ELMO1: variants seen among roughly 807,000 people sequenced by gnomAD.
ELMO1 encodes engulfment and cell motility 1.
Under a neutral mutation model 98.9 loss-of-function variants are expected in ELMO1, and 26 were observed. The observed-to-expected ratio is 0.26, with a 90% CI of 0.19 to 0.36. The LOEUF (loss-of-function observed/expected upper bound fraction) is 0.36, where lower values mean the gene tolerates loss of function less well. Among genes scored for constraint, ELMO1 ranks in the 10% least tolerant of loss-of-function variants. ELMO1 has a pLI of 1.00. For missense variants in ELMO1, 627 were observed against 935.2 expected, an observed-to-expected ratio of 0.67 and a Z score of 4.30; for synonymous variants, 346 against 346.0, an observed-to-expected ratio of 1.00 and a Z score of 0.00.
At chr7:36,952,950 T>C (rs1788099171) in intron 16 of ELMO1, among the ~76,000 whole-genome samples, 1 of 147,468 alleles carries the variant, frequency 6.8e-6, no homozygotes, top group Admixed American at 6.8e-5. Flanking sequence ...TGCCAAATAA[T>C]GGAAGTCACT....
At chr7:37,256,422 T>C (rs1795644276) in intron 6 of ELMO1, among the ~76,000 whole-genome samples, 1 of 151,646 alleles carries the variant, frequency 6.6e-6, no homozygotes, top group South Asian at 2.1e-4. Context: ...AAAGAATATC[T>C]TGTCTTTGAA....
chr7:37,168,851 A>G (rs1029598540), intron 13 of ELMO1, among the ~76,000 whole-genome samples: 24 of 152,156 alleles, frequency 1.6e-4, no homozygotes, highest in African/African-American at 5.5e-4. Flanking sequence ...TGCTGGGAGA[A>G]CCACTGCTCT....
intron 16 of ELMO1, among the ~76,000 whole-genome samples, chr7:37,009,168 A>T (rs1457613797): frequency 2.6e-5 from 4 of 152,200 alleles, no homozygotes; most frequent in African/African-American, 9.6e-5. Flanking sequence ...CTCAAAAATG[A>T]GGATTTCAAT....
At chr7:37,240,590 T>G (rs1794716886) in intron 7 of ELMO1, among the ~76,000 whole-genome samples, 1 of 152,160 alleles carries the variant, frequency 6.6e-6, no homozygotes, top group African/African-American at 2.4e-5. Context: ...AAACCATCCT[T>G]CCTTTTCAAC....
chr7:37,201,877 A>G (rs1328952794), intron 13 of ELMO1, among the ~76,000 whole-genome samples: 1 of 152,214 alleles, frequency 6.6e-6, no homozygotes, highest in East Asian at 1.9e-4. Flanking sequence ...ATAGGAAAAG[A>G]GAGAGTCCGG....
intron 1 of ELMO1, among the ~76,000 whole-genome samples, chr7:37,391,956 C>G (rs10230459): frequency 0.13 from 19,198 of 152,200 alleles, 1,443 homozygotes; most frequent in African/African-American, 0.19. Context: ...GAACTGTAAT[C>G]TCCACACACA....
chr7:37,192,510 A>AAC (rs1169113820), intron 13 of ELMO1, among the ~76,000 whole-genome samples: 4 of 149,908 alleles, frequency 2.7e-5, no homozygotes. Flanking sequence ...AAAAAAAAAA[A>AAC]AAAACTGGGC....
chr7:37,321,510 G>A (rs756794499), intron 2 of ELMO1, among the ~76,000 whole-genome samples: 7 of 151,858 alleles, frequency 4.6e-5, no homozygotes, highest in Admixed American at 1.3e-4. Context: ...GAGGTCAGGA[G>A]ATCGAGAGCA....
At chr7:36,951,209 C>T (rs1384950595) in intron 16 of ELMO1, among the ~76,000 whole-genome samples, 1 of 152,156 alleles carries the variant, frequency 6.6e-6, no homozygotes, top group Non-Finnish European at 1.5e-5. Context: ...CAATAGAGAT[C>T]ATCTTAAAAG....
chr7:36,871,702 C>G (rs1803519662), intron 19 of ELMO1, among the ~76,000 whole-genome samples: 1 of 152,176 alleles, frequency 6.6e-6, no homozygotes, highest in South Asian at 2.1e-4. Context: ...GATAAAATTA[C>G]AGAATACCTA....
At chr7:37,256,254 G>A (rs1411912486) in intron 6 of ELMO1, among the ~76,000 whole-genome samples, 1 of 151,826 alleles carries the variant, frequency 6.6e-6, no homozygotes, top group Non-Finnish European at 1.5e-5. Context: ...CAGAGGTTTC[G>A]TCATCCTTGA....
At chr7:36,957,521 G>A (rs542634511) in intron 16 of ELMO1, among the ~76,000 whole-genome samples, 14 of 152,230 alleles carry the variant, frequency 9.2e-5, no homozygotes, top group Admixed American at 6.5e-5. Flanking sequence ...CCTCACAGAT[G>A]ATCTACCCAA....
chr7:37,204,795 G>A (rs1361261302), intron 13 of ELMO1, among the ~76,000 whole-genome samples: 1 of 152,216 alleles, frequency 6.6e-6, no homozygotes, highest in Non-Finnish European at 1.5e-5. Flanking sequence ...CCTTTAGCTA[G>A]AAAGAAAAGT....
At chr7:37,233,045 C>T in intron 8 of ELMO1, 50 bp downstream of exon 8, 1 of 1,464,588 alleles carries the variant, frequency 6.8e-7, no homozygotes, top group Non-Finnish European at 9.4e-7. Context: ...AGAAAAATAG[C>T]TATGACAGAA....
chr7:37,399,472 C>T (rs1457793423), intron 1 of ELMO1, among the ~76,000 whole-genome samples: 1 of 152,178 alleles, frequency 6.6e-6, no homozygotes, highest in Non-Finnish European at 1.5e-5. Context: ...CATGTTATTC[C>T]TCTACCTCAG....
intron 4 of ELMO1, among the ~76,000 whole-genome samples, chr7:37,280,814 T>C (rs867900067): frequency 6.6e-6 from 1 of 151,984 alleles, no homozygotes; most frequent in Non-Finnish European, 1.5e-5. Flanking sequence ...GAACCAGAAG[T>C]AGAACTACCA....
At chr7:37,328,267 C>T (rs769337283) in intron 2 of ELMO1, among the ~76,000 whole-genome samples, 12 of 150,640 alleles carry the variant, frequency 8.0e-5, no homozygotes, top group Non-Finnish European at 1.5e-4. Flanking sequence ...CCTGTGGTCC[C>T]AGCTACTTGG....
chr7:36,856,506 A>G (rs1039140287), intron 21 of ELMO1, among the ~76,000 whole-genome samples: 2 of 152,156 alleles, frequency 1.3e-5, no homozygotes, highest in African/African-American at 4.8e-5. Flanking sequence ...TCTGTTTTGG[A>G]AAGCCCTTCA....
In ELMO1 at chr7:36,935,263, C is replaced by A. The variant is rs1786420538; in HGVS notation, c.1438-40246G>T. 2.0e-5 allele frequency among the ~76,000 whole-genome samples: 3 copies of A among 152,116 alleles called. No homozygotes were observed. The South Asian group carries it at 6.2e-4, about 32-fold the overall frequency. ...CTCATCTGCTGCTGTGTGAGATGTG[C>A]CTTTCACCTTCTGCCATGATGGTGA... On this transcript the variant is annotated intron_variant, in intron 16 of 21. Transcript: ENST00000310758.
Sources: gnomAD v4.1 joint callset for allele counts (sites outside exome capture counted in the v4.1 genomes callset) on GRCh38, gnomAD v4.1.1 for gene constraint, MANE v1.5 for transcripts, NCBI Gene and HGNC (gene_info 2026-07-23, HGNC 2026-07-21) for gene names.